Variants in SERGEF observed in about 807,000 individuals in gnomAD.
SERGEF encodes the protein secretion regulating guanine nucleotide exchange factor, also known as secretion-regulating guanine nucleotide exchange factor.
Under a neutral mutation model 50.0 loss-of-function variants are expected in SERGEF, and 51 were observed. The observed-to-expected ratio is 1.02, with a 90% confidence interval of 0.81 to 1.29. SERGEF has a LOEUF of 1.29. Among genes scored for constraint, SERGEF ranks in the 50% most tolerant of loss-of-function variants. SERGEF has a pLI of 0.00. For missense variants in SERGEF, 521 were observed against 557.0 expected (o/e 0.94, Z 0.65); for synonymous variants, 205 against 212.4 (o/e 0.97, Z 0.30).
At chr11:17,943,877 C>T (rs982647286) in intron 9 of SERGEF, among the ~76,000 whole-genome samples, 1 of 152,148 alleles carries the variant, frequency 6.6e-6, no homozygotes, top group Admixed American at 6.6e-5. Context: ...CAAATCTCAA[C>T]GTTTCACTAG....
chr11:17,799,215 C>T (rs1221890221), intron 10 of SERGEF, among the ~76,000 whole-genome samples: 2 of 151,848 alleles, frequency 1.3e-5, no homozygotes, highest in Non-Finnish European at 2.9e-5. Context: ...AGATGAAGGG[C>T]CCACCAAGAT....
At chr11:17,995,989 T>C (rs555488460) in intron 5 of SERGEF, 80 bp from the exon 6 acceptor site, 5 of 947,460 alleles carry the variant, frequency 5.3e-6, no homozygotes, top group Non-Finnish European at 1.7e-6. Context: ...CTCACTGCTA[T>C]GAGAAATTCC....
intron 8 of SERGEF, among the ~76,000 whole-genome samples, chr11:17,985,372 C>G (rs1232281538): frequency 6.6e-6 from 1 of 152,150 alleles, no homozygotes; most frequent in African/African-American, 2.4e-5. Context: ...GAGGCCTAAA[C>G]AGGTAAAGTG....
At chr11:17,826,391 A>C (rs958990478) in intron 10 of SERGEF, among the ~76,000 whole-genome samples, 2 of 152,226 alleles carry the variant, frequency 1.3e-5, no homozygotes, top group Admixed American at 1.3e-4. Flanking sequence ...TAGACTTTTA[A>C]TTCTCGGGCT....
intron 10 of SERGEF, among the ~76,000 whole-genome samples, chr11:17,830,650 GA>G (rs1333086361): frequency 3.1e-4 from 19 of 61,908 alleles, no homozygotes; most frequent in Non-Finnish European, 5.2e-4. Context: ...GAGAGGGAGG[GA>G]GAGAGAGAGA....
intron 4 of SERGEF, among the ~76,000 whole-genome samples, chr11:18,004,011 G>T (rs989332086): frequency 2.0e-5 from 3 of 151,850 alleles, no homozygotes; most frequent in Admixed American, 6.6e-5. Context: ...TTTTAAATAG[G>T]GCTACTAGAA....
At chr11:17,812,800 TA>T in intron 10 of SERGEF, among the ~76,000 whole-genome samples, 1 of 152,342 alleles carries the variant, frequency 6.6e-6, no homozygotes, top group East Asian at 1.9e-4. Context: ...AAAGCCTCAA[TA>T]AATGTTTTCT....
intron 9 of SERGEF, among the ~76,000 whole-genome samples, chr11:17,939,912 G>A (rs1211651663): frequency 6.6e-6 from 1 of 152,092 alleles, no homozygotes. Context: ...GACATCAAAA[G>A]GACATGCAAG....
At chr11:17,886,447 A>C (rs1851431019) in intron 9 of SERGEF, among the ~76,000 whole-genome samples, 1 of 151,988 alleles carries the variant, frequency 6.6e-6, no homozygotes, top group South Asian at 2.1e-4. Flanking sequence ...CTGTCTCTAC[A>C]GAAAATACAA....
At position 17,918,912 on chromosome 11, in the gene SERGEF, G is replaced by T. The variant is rs73426293; in HGVS notation, c.1011+40558C>A. 797 of 333,058 alleles carry T rather than the reference G, an allele frequency of 2.4e-3. 6 individuals carry two copies. Among genetic ancestry groups the T allele is most frequent in the African/African-American group, 0.016 (702 of 44,998 alleles). The allele number at this position is 333,058 out of a possible 1,614,324, so 20.6% of individuals were successfully genotyped here. A position where few individuals can be genotyped will look rare whatever the true frequency, so the allele number is the denominator to read the frequency against. On this transcript the variant is annotated intron_variant, in intron 9 of 10. Coordinates refer to ENST00000265965, the MANE Select transcript of SERGEF (RefSeq NM_012139.4). ...AGTTATCCCCTTAGGTGAAGCAAAA[G>T]GTTCACTTAACGTGACTTTGGGAGA...
At chr11:17,819,862 A>G (rs1027487890) in intron 10 of SERGEF, among the ~76,000 whole-genome samples, 3 of 152,174 alleles carry the variant, frequency 2.0e-5, no homozygotes, top group African/African-American at 7.2e-5. Context: ...TTGTTGAGAT[A>G]GGGTCTCACT....
Position 17,888,677 on chromosome 11 carries a change from A to G in SERGEF, c.1012-10433T>C, listed in dbSNP as rs1851478651. On this transcript the variant is annotated intron_variant, in intron 9 of 10. Coordinates refer to ENST00000265965, the MANE Select transcript of SERGEF (RefSeq NM_012139.4). This position sits in a 1 kb window ranked among gnomAD's most constrained non-coding sequence, Gnocchi z 4.1. ...CACACACACACACACACACACACAC[A>G]CGCATTGAGTTAAACCAACATGAAA... Among the ~76,000 whole-genome samples the G allele has an allele frequency of 6.9e-6, 1 of 144,104 alleles. No homozygotes were observed. Among genetic ancestry groups the G allele is most frequent in the Non-Finnish European group, 1.5e-5 (1 of 65,202 alleles). The allele number at this position is 144,104 out of a possible 152,430, so 94.5% of individuals were successfully genotyped here. A position where few individuals can be genotyped will look rare whatever the true frequency, so the allele number is the denominator to read the frequency against.
At chr11:17,889,628 T>C (rs182900152) in intron 9 of SERGEF, among the ~76,000 whole-genome samples, 12 of 152,234 alleles carry the variant, frequency 7.9e-5, no homozygotes, top group Admixed American at 3.3e-4. Context: ...AGTGAAAAAT[T>C]GTCATAAAAG....
intron 9 of SERGEF, among the ~76,000 whole-genome samples, chr11:17,910,570 T>C (rs1050839208): frequency 1.3e-5 from 2 of 152,228 alleles, no homozygotes; most frequent in Admixed American, 6.5e-5. Context: ...GGGTTTGTTT[T>C]AATAAGCTAA....
intron 10 of SERGEF, among the ~76,000 whole-genome samples, chr11:17,804,541 G>GT (rs1849725047): frequency 2.0e-5 from 3 of 146,934 alleles, no homozygotes; most frequent in Admixed American, 6.7e-5. Flanking sequence ...TTTACGCCAA[G>GT]TATTTGTTTG....
chr11:17,957,453 C>T (rs1282972565), intron 9 of SERGEF, among the ~76,000 whole-genome samples: 1 of 152,154 alleles, frequency 6.6e-6, no homozygotes, highest in Non-Finnish European at 1.5e-5. Context: ...TCCTCCACTA[C>T]TATACTACCT....
In SERGEF at chr11:17,996,237, G is replaced by A. The variant is rs2134003763; in HGVS notation, c.509-328C>T. 1.3e-5 allele frequency among the ~76,000 whole-genome samples: 2 copies of A among 152,206 alleles called. 1 individual carries two copies. The highest frequency in any genetic ancestry group is 6.8e-3 in the Middle Eastern group (2 of 294). On this transcript the variant is annotated intron_variant, in intron 5 of 10. Transcript: ENST00000265965. ...ATGATTAACCTGAAAAGACAACTCA[G>A]ATCCCAGACAAAGCAGAAAAGAACC... is the stretch of plus-strand genomic sequence containing the variant.
intron 9 of SERGEF, among the ~76,000 whole-genome samples, chr11:17,944,084 T>C (rs762555881): frequency 6.6e-6 from 1 of 152,112 alleles, no homozygotes; most frequent in Non-Finnish European, 1.5e-5. Flanking sequence ...CGTGCCACCA[T>C]GCCCAGCTAA....
At chr11:17,794,724 CAAG>C (rs540294824) in intron 10 of SERGEF, among the ~76,000 whole-genome samples, 206 of 152,300 alleles carry the variant, frequency 1.4e-3, no homozygotes, top group African/African-American at 4.7e-3. Context: ...TGCAAGGAAA[CAAG>C]AGGCAGAGCT....
Sources: allele counts gnomAD v4.1 joint callset (sites outside exome capture counted in the v4.1 genomes callset), GRCh38; gene constraint gnomAD v4.1.1; non-coding constraint Gnocchi (gnomAD v3.1); transcripts MANE v1.5; gene names NCBI Gene and HGNC (gene_info 2026-07-23, HGNC 2026-07-21).